Variants in SH3D21 observed in about 807,000 individuals in gnomAD.
SH3D21 encodes the protein manchette microtubule inner protein 1, also known as SH3 domain-containing protein 21.
SH3D21 carries 83 observed loss-of-function variants against 82.1 expected under a neutral mutation model. The observed-to-expected ratio is 1.01, with a 90% CI of 0.85 to 1.21. SH3D21 has a LOEUF of 1.21. Among genes scored for constraint, SH3D21 ranks in the 50% most tolerant of loss-of-function variants. The pLI is 0.00. For synonymous variants in SH3D21, 383 were observed against 387.8 expected, an observed-to-expected ratio of 0.99 and a Z score of 0.15; for missense variants, 980 against 962.1, an observed-to-expected ratio of 1.02 and a Z score of -0.25.
At position 36,309,547 on chromosome 1, in the gene SH3D21, G is replaced by A; in HGVS notation, c.727-1G>A. 6.4e-7 allele frequency: 1 copy of A among 1,551,656 alleles called. No homozygotes were observed. The highest frequency in any genetic ancestry group is 8.7e-7 in the Non-Finnish European group (1 of 1,146,962). On this transcript the variant is annotated splice_acceptor_variant, in intron 9 of 15. Coordinates refer to ENST00000453908, the MANE Select transcript of SH3D21 (RefSeq NM_001162530.2). LOFTEE classifies it high-confidence loss of function. ...TCAACCTTTACTTCTTTTCGGCATA[G>A]ATCAAGAAGCTGGTCCCACGGAAAG...
At chr1:36,313,992 T>TTTTTTTTTTTTTTTTAAGG in intron 10 of SH3D21, among the ~76,000 whole-genome samples, 1 of 106,820 alleles carries the variant, frequency 9.4e-6, no homozygotes, top group African/African-American at 3.4e-5. Context: ...TTTTTTTTTT[T>TTTTTTTTTTTTTTTTAAGG]GAGACGGAGT....
chr1:36,323,116 C>G, downstream of SH3D21: 1 of 1,476,662 alleles, frequency 6.8e-7, no homozygotes, highest in Non-Finnish European at 9.1e-7. Flanking sequence ...GAGCCCACCC[C>G]GACCCCTTCC....
chr1:36,326,943 G>A (rs931480706), downstream of SH3D21, among the ~76,000 whole-genome samples: 3 of 152,212 alleles, frequency 2.0e-5, no homozygotes, highest in African/African-American at 7.2e-5. Flanking sequence ...TGTTGGCAAT[G>A]CAAGTAGAAC....
intron 10 of SH3D21, among the ~76,000 whole-genome samples, chr1:36,315,092 TG>T (rs761627056): frequency 2.6e-5 from 4 of 151,950 alleles, no homozygotes; most frequent in African/African-American, 7.2e-5. Flanking sequence ...CTGACCAGCA[TG>T]GCGAAACCCT....
chr1:36,326,863 G>A (rs1019883060), downstream of SH3D21, among the ~76,000 whole-genome samples: 1 of 152,214 alleles, frequency 6.6e-6, no homozygotes, highest in Non-Finnish European at 1.5e-5. Flanking sequence ...TGGGGAAGCA[G>A]GTTTGGGGGT....
In SH3D21 at chr1:36,320,236, T is replaced by C. The variant is rs1646423294; in HGVS notation, c.1573T>C (p.Ser525Pro). Residue 525 changes from serine (S) to proline (P), a missense_variant, in exon 14 of 16, where the codon TCA becomes CCA. Ser to Pro is a moderately conservative substitution (Grantham distance 74, BLOSUM62 -1). Transcript: ENST00000453908. Reference sequence around the variant, plus strand: ...GTACTTTGTAGCCAAAGAGGATCCATCATCCCAGGAGGAGGCCCACACGCC... The same window carrying C: ...GTACTTTGTAGCCAAAGAGGATCCACCATCCCAGGAGGAGGCCCACACGCC... Reference protein sequence around the residue: ...VKYFVAKEDPSSQEEAHTPEA... With the variant: ...VKYFVAKEDPPSQEEAHTPEA... 6 of 1,613,074 alleles carry C rather than the reference T, an allele frequency of 3.7e-6. No homozygotes were observed. The highest frequency in any genetic ancestry group is 5.1e-6 in the Non-Finnish European group (6 of 1,179,982).
At chr1:36,322,413 T>C, downstream of SH3D21, 9 of 1,601,110 alleles carry the variant, frequency 5.6e-6, no homozygotes, top group Non-Finnish European at 7.6e-6. Context: ...CCGTTCGCGC[T>C]CCTCCAGCCG....
chr1:36,320,593 G>T lies in SH3D21; in HGVS notation c.1930G>T (p.Glu644Ter), dbSNP rs774247577. Residue 644 changes from glutamate (E) to a stop codon, truncating the protein, a stop_gained, in exon 14 of 16, where the codon GAG becomes TAG. Coordinates refer to ENST00000453908, the MANE Select transcript of SH3D21 (RefSeq NM_001162530.2). LOFTEE classifies it high-confidence loss of function. ...LPPKEEVAPK[E>*]EVPPIERAFA... Reference sequence around the variant, plus strand: ...CCCTAAAGAGGAAGTGGCTCCAAAAGAGGAGGTGCCCCCCATAGAAAGAGC... The same window carrying T: ...CCCTAAAGAGGAAGTGGCTCCAAAATAGGAGGTGCCCCCCATAGAAAGAGC... The T allele has an allele frequency of 6.2e-7, 1 of 1,614,252 alleles. No homozygotes were observed. The highest frequency in any genetic ancestry group is 1.1e-5 in the South Asian group (1 of 91,092).
chr1:36,310,685 CTGT>C (rs1646221216), intron 10 of SH3D21, among the ~76,000 whole-genome samples: 1 of 152,070 alleles, frequency 6.6e-6, no homozygotes, highest in Non-Finnish European at 1.5e-5. Context: ...AGAACATTGC[CTGT>C]TGTTTGTGTC....
At position 36,320,593 on chromosome 1, in the gene SH3D21, G is replaced by C; in HGVS notation, c.1930G>C (p.Glu644Gln). The C allele has an allele frequency of 6.2e-7, 1 of 1,614,252 alleles. No individual in the cohort carries two copies. The highest frequency in any genetic ancestry group is 8.5e-7 in the Non-Finnish European group (1 of 1,180,046). The change falls in exon 14 of 16, where the codon GAG (glutamate) becomes CAG (glutamine). Residue 644 changes from glutamate (E) to glutamine (Q), a missense_variant. Transcript: ENST00000453908. Reference protein sequence around the residue: ...LPPKEEVAPKEEVPPIERAFA... With the variant: ...LPPKEEVAPKQEVPPIERAFA... The stretch of plus-strand genomic sequence containing the variant: ...CCCTAAAGAGGAAGTGGCTCCAAAA[G>C]AGGAGGTGCCCCCCATAGAAAGAGC...
downstream of SH3D21, chr1:36,322,547 CTCGTCCTCGTCG>C (rs1557490540): frequency 2.5e-6 from 4 of 1,597,652 alleles, 1 homozygote; most frequent in South Asian, 4.4e-5. Context: ...CCGTGTCCTC[CTCGTCCTCGTCG>C]TCGTCCTCGG....
downstream of SH3D21, chr1:36,328,339 C>T: frequency 5.5e-6 from 2 of 363,222 alleles, no homozygotes; most frequent in South Asian, 2.1e-5. Context: ...ACATGGGCCT[C>T]ACCCTACCAC....
At chr1:36,308,755 C>G (rs543786799) in intron 9 of SH3D21, among the ~76,000 whole-genome samples, 2 of 152,084 alleles carry the variant, frequency 1.3e-5, no homozygotes, top group Admixed American at 1.3e-4. Flanking sequence ...GAGGCCGAGG[C>G]GGGTGGATCA....
rs1646409978 is a variant in SH3D21, at chr1:36,319,691, G to C, written c.1028G>C (p.Ser343Thr). ...SVSSQEEEHS[S>T]PVKAPSVKRT... ...TCACGGCAGGAGGAAGAGCACAGCA[G>C]CCCGGTAAAGGCCCCCTCTGTGAAG... is the stretch of plus-strand genomic sequence containing the variant. The change falls in exon 14 of 16, where the codon AGC (serine) becomes ACC (threonine). Residue 343 changes from serine to threonine, a missense_variant. Physicochemically the swap from Ser to Thr is moderately conservative, Grantham distance 58. Coordinates refer to ENST00000453908, the MANE Select transcript of SH3D21 (RefSeq NM_001162530.2). 1 of 1,589,540 alleles carries C rather than the reference G, an allele frequency of 6.3e-7. No homozygotes were observed. Among genetic ancestry groups the C allele is most frequent in the East Asian group, 2.3e-5 (1 of 44,240 alleles).
At chr1:36,319,189 G>A in intron 11 of SH3D21, 25 bp downstream of exon 11, 3 of 1,550,214 alleles carry the variant, frequency 1.9e-6, no homozygotes, top group East Asian at 2.4e-5. Context: ...GGGGTTGGGG[G>A]AAGGAGGAGG....
At chr1:36,313,967 A>ATTTTTTTTTTTTTTTTTTTTTTT (rs1207014644) in intron 10 of SH3D21, among the ~76,000 whole-genome samples, 9 of 36,936 alleles carry the variant, frequency 2.4e-4, no homozygotes, top group Admixed American at 1.3e-3. Flanking sequence ...TGCTGAACAT[A>ATTTTTTTTTTTTTTTTTTTTTTT]TTTTCTTTTT....
At position 36,308,421 on chromosome 1, in the gene SH3D21, G is replaced by A. The variant is rs200537758; in HGVS notation, c.672G>A (p.Glu224=). The A allele has an allele frequency of 7.7e-6, 12 of 1,551,954 alleles. No homozygotes were observed. The highest frequency in any genetic ancestry group is 3.9e-5 in the Admixed American group (2 of 51,006). ...TTEDKGWWEG[E]CQGRRGVFPD... is the part of the protein sequence containing the mutation. ...AGGATAAGGGCTGGTGGGAAGGAGAGTGTCAAGGACGAAGAGGAGTTTTTC... is the reference window on the plus strand; with the variant it reads ...AGGATAAGGGCTGGTGGGAAGGAGAATGTCAAGGACGAAGAGGAGTTTTTC... The change falls in exon 9 of 16, where the codon GAG becomes GAA. Residue 224 remains glutamate (E), a synonymous_variant. Coordinates refer to ENST00000453908, the MANE Select transcript of SH3D21 (RefSeq NM_001162530.2).
At chr1:36,316,764 T>TC (rs1557480608) in intron 10 of SH3D21, among the ~76,000 whole-genome samples, 2 of 33,682 alleles carry the variant, frequency 5.9e-5, no homozygotes, top group African/African-American at 1.5e-4. Flanking sequence ...GTTCTCTCTC[T>TC]TTTTTTTTTT....
At chr1:36,319,234 G>C (rs1463882337) in intron 11 of SH3D21, 26 bp from the exon 12 acceptor site, 3 of 1,551,658 alleles carry the variant, frequency 1.9e-6, no homozygotes, top group Non-Finnish European at 2.6e-6. Context: ...GCCCCACCCT[G>C]AGGGCCTGAT....
Sources: gnomAD v4.1 joint callset for allele counts (sites outside exome capture counted in the v4.1 genomes callset) on GRCh38, gnomAD v4.1.1 for gene constraint, MANE v1.5 for transcripts, NCBI Gene and HGNC (gene_info 2026-07-23, HGNC 2026-07-21) for gene names.